Variants in MAML2 observed in about 807,000 individuals in gnomAD.
The protein encoded by MAML2 is mastermind-like protein 2.
In MAML2, 22 loss-of-function variants were observed where a neutral mutation model predicts 96.1. The observed-to-expected ratio is 0.23, with a 90% confidence interval of 0.16 to 0.33. The LOEUF is 0.33. Ranked by LOEUF, MAML2 falls within the 10% of genes least tolerant of loss-of-function variation. MAML2 has a pLI of 1.00. For missense variants in MAML2, 1,367 were observed against 1,392.4 expected, an observed-to-expected ratio of 0.98 and a Z score of 0.29; for synonymous variants, 561 against 521.3, an observed-to-expected ratio of 1.08 and a Z score of -1.04.
chr11:96,046,215 A>G (rs532310395), intron 2 of MAML2, among the ~76,000 whole-genome samples: 1 of 152,212 alleles, frequency 6.6e-6, no homozygotes, highest in South Asian at 2.1e-4. Flanking sequence ...TGAGAAGCAT[A>G]TGCCGCCAAC....
chr11:96,040,064 G>A (rs1348287060), intron 2 of MAML2, among the ~76,000 whole-genome samples: 2 of 151,886 alleles, frequency 1.3e-5, no homozygotes, highest in African/African-American at 4.8e-5. Flanking sequence ...TCCTCAAACC[G>A]GGGTTCCCTT....
Position 96,077,380 on chromosome 11 carries a change from C to A in MAML2, c.2139+14512G>T, listed in dbSNP as rs543833139. Among the ~76,000 whole-genome samples, 8 of 151,932 alleles carry A rather than the reference C, an allele frequency of 5.3e-5. No individual in the cohort carries two copies. The East Asian group carries it at 1.6e-3, about 30-fold the overall frequency. On this transcript the variant is annotated intron_variant, in intron 2 of 4. Transcript: ENST00000524717. ...GGACTACAGGCATACGCCACCATGCCCAGCTAATTTTTGTATTTTTGGTAG... is the reference window on the plus strand; with the variant it reads ...GGACTACAGGCATACGCCACCATGCACAGCTAATTTTTGTATTTTTGGTAG...
chr11:96,116,637 G>A (rs1029175676), intron 1 of MAML2, among the ~76,000 whole-genome samples: 6 of 152,190 alleles, frequency 3.9e-5, no homozygotes, highest in Non-Finnish European at 8.8e-5. Flanking sequence ...TGCAGGATTG[G>A]GAGGAAGAAG....
At chr11:96,189,841 A>G (rs1861627458) in intron 1 of MAML2, among the ~76,000 whole-genome samples, 1 of 152,190 alleles carries the variant, frequency 6.6e-6, no homozygotes, top group Non-Finnish European at 1.5e-5. Context: ...GGATACTTAT[A>G]TTTTTATTCA....
chr11:96,108,312 T>C (rs1860059166), intron 1 of MAML2, among the ~76,000 whole-genome samples: 1 of 152,238 alleles, frequency 6.6e-6, no homozygotes, highest in Non-Finnish European at 1.5e-5. Flanking sequence ...AAACACACTT[T>C]GGCTGTCTCC....
intron 1 of MAML2, among the ~76,000 whole-genome samples, chr11:96,238,704 T>C (rs1363242803): frequency 1.3e-5 from 2 of 152,220 alleles, no homozygotes; most frequent in African/African-American, 4.8e-5. Flanking sequence ...AAGAGCTATG[T>C]AGAGGCATGT....
At chr11:96,058,291 A>G (rs1263460343) in intron 2 of MAML2, among the ~76,000 whole-genome samples, 1 of 76,884 alleles carries the variant, frequency 1.3e-5, no homozygotes, top group Non-Finnish European at 3.0e-5. Flanking sequence ...AAGTCCAAGC[A>G]GTTTTTGTTT....
intron 2 of MAML2, among the ~76,000 whole-genome samples, chr11:96,013,836 G>T (rs117745284): frequency 0.014 from 2,128 of 152,274 alleles, 29 homozygotes; most frequent in Non-Finnish European, 0.021. Context: ...ATAAAACTTT[G>T]CATTCTTTCT....
chr11:96,013,436 C>T (rs1858294601), intron 2 of MAML2, among the ~76,000 whole-genome samples: 1 of 151,910 alleles, frequency 6.6e-6, no homozygotes, highest in African/African-American at 2.4e-5. Context: ...GAGTGTGGTC[C>T]CTTTAAATGA....
At chr11:96,153,770 G>A (rs1860965332) in intron 1 of MAML2, among the ~76,000 whole-genome samples, 1 of 152,108 alleles carries the variant, frequency 6.6e-6, no homozygotes, top group Non-Finnish European at 1.5e-5. Context: ...AATTTGCTGT[G>A]TGTGGTGGCA....
At chr11:96,205,933 T>C (rs1454899483) in intron 1 of MAML2, among the ~76,000 whole-genome samples, 4 of 152,234 alleles carry the variant, frequency 2.6e-5, no homozygotes, top group African/African-American at 9.6e-5. Context: ...GCTCATGTTG[T>C]CCATGCAAAT....
intron 1 of MAML2, among the ~76,000 whole-genome samples, chr11:96,191,644 C>T (rs992165709): frequency 5.3e-5 from 8 of 150,608 alleles, no homozygotes; most frequent in Non-Finnish European, 8.9e-5. Flanking sequence ...TGGTGGCGGG[C>T]GCCGGTAGTC....
At chr11:96,313,390 G>A (rs1863574587) in intron 1 of MAML2, among the ~76,000 whole-genome samples, 1 of 152,146 alleles carries the variant, frequency 6.6e-6, no homozygotes, top group South Asian at 2.1e-4. Flanking sequence ...GAGGCTCACT[G>A]GAATTTCGGA....
At chr11:96,109,752 T>G (rs539687542) in intron 1 of MAML2, among the ~76,000 whole-genome samples, 66 of 152,268 alleles carry the variant, frequency 4.3e-4, no homozygotes, top group African/African-American at 1.5e-3. Context: ...TTTGGGCATG[T>G]TGAATGTGAG....
intron 2 of MAML2, among the ~76,000 whole-genome samples, chr11:96,066,214 G>A (rs1859243327): frequency 6.6e-6 from 1 of 152,166 alleles, no homozygotes; most frequent in African/African-American, 2.4e-5. Context: ...GCTGATCTAA[G>A]CATCAGTGCT....
At chr11:96,227,474 T>C (rs1287130753) in intron 1 of MAML2, among the ~76,000 whole-genome samples, 1 of 152,154 alleles carries the variant, frequency 6.6e-6, no homozygotes, top group Non-Finnish European at 1.5e-5. Flanking sequence ...TGGCACACTG[T>C]GGTTGCACAA....
intron 1 of MAML2, among the ~76,000 whole-genome samples, chr11:96,192,139 T>A (rs1861662012): frequency 6.6e-6 from 1 of 152,254 alleles, no homozygotes; most frequent in African/African-American, 2.4e-5. Context: ...CAAGTGAGGG[T>A]GAGCTTTCTG....
intron 2 of MAML2, among the ~76,000 whole-genome samples, chr11:96,022,329 T>C (rs1006235358): frequency 6.6e-6 from 1 of 152,210 alleles, no homozygotes; most frequent in South Asian, 2.1e-4. Flanking sequence ...TGTCCCAGTT[T>C]CCTGCCTTTC....
chr11:96,142,583 G>A (rs1418180964), intron 1 of MAML2, among the ~76,000 whole-genome samples: 1 of 152,174 alleles, frequency 6.6e-6, no homozygotes, highest in Non-Finnish European at 1.5e-5. Flanking sequence ...ACATTACATA[G>A]GCAAACAGTA....
Sources: allele counts gnomAD v4.1 joint callset (sites outside exome capture counted in the v4.1 genomes callset), GRCh38; gene constraint gnomAD v4.1.1; transcripts MANE v1.5; gene names NCBI Gene and HGNC (gene_info 2026-07-23, HGNC 2026-07-21).